The following UBR2 variants were observed in gnomAD, a reference collection of about 807,000 sequenced individuals.
The protein encoded by UBR2 is E3 ubiquitin-protein ligase UBR2.
In UBR2, 92 loss-of-function variants were observed where a neutral mutation model predicts 247.9. That is an observed-to-expected ratio of 0.37 (90% confidence interval 0.31 to 0.44). UBR2 has a LOEUF of 0.44. Ranked by LOEUF, UBR2 falls within the 20% of genes least tolerant of loss-of-function variation. The pLI, the probability that UBR2 is intolerant of heterozygous loss-of-function variation, is 1.00. For missense variants in UBR2, 1,613 were observed against 2,112.6 expected, an observed-to-expected ratio of 0.76 and a Z score of 4.64; for synonymous variants, 672 against 693.5, an observed-to-expected ratio of 0.97 and a Z score of 0.49.
intron 1 of UBR2, among the ~76,000 whole-genome samples, chr6:42,565,607 C>G (rs571573210): frequency 1.3e-5 from 2 of 152,290 alleles, no homozygotes; most frequent in Admixed American, 6.5e-5. Flanking sequence ...GATGCCCAGG[C>G]TGGAGTGCAG....
In UBR2 at chr6:42,644,311, G is replaced by C; in HGVS notation, c.2195G>C (p.Arg732Thr). 1 of 1,613,268 alleles carries C rather than the reference G, an allele frequency of 6.2e-7. No individual in the cohort carries two copies. Among genetic ancestry groups the C allele is most frequent in the Non-Finnish European group, 8.5e-7 (1 of 1,179,796 alleles). ...QIFSTPDYGKRFSSEITHKDV... is the reference protein window; with the variant it reads ...QIFSTPDYGKTFSSEITHKDV... The stretch of plus-strand genomic sequence containing the variant: ...TTCAGTACTCCAGACTATGGAAAAA[G>C]ATTTAGTTCTGAGATTACCCATAAG... The change falls in exon 19 of 47, where the codon AGA (arginine) becomes ACA (threonine). Residue 732 changes from arginine (R) to threonine (T), a missense_variant. Coordinates refer to ENST00000372901, the MANE Select transcript of UBR2 (RefSeq NM_001363705.2).
chr6:42,661,552 G>T (rs760352088), intron 30 of UBR2, among the ~76,000 whole-genome samples: 5 of 152,172 alleles, frequency 3.3e-5, no homozygotes. Context: ...AATTCCAAAA[G>T]AAGCCAGACA....
At chr6:42,660,482 G>A (rs765887589) in intron 30 of UBR2, among the ~76,000 whole-genome samples, 6 of 152,034 alleles carry the variant, frequency 3.9e-5, no homozygotes, top group South Asian at 2.1e-4. Flanking sequence ...GTGCTTCAGC[G>A]ATACCCAGTA....
chr6:42,564,524 C>A, intron 1 of UBR2, 127 bp downstream of exon 1: 1 of 1,111,014 alleles, frequency 9.0e-7, no homozygotes, highest in Non-Finnish European at 1.3e-6. Flanking sequence ...CGGCCCTCGC[C>A]TTGTGGGGTA....
At chr6:42,583,991 AATTTT>A (rs1250801541) in intron 2 of UBR2, among the ~76,000 whole-genome samples, 1 of 103,566 alleles carries the variant, frequency 9.7e-6, no homozygotes, top group East Asian at 2.4e-4. Context: ...CTCCCCATTG[AATTTT>A]TTTTTTTTTT....
At chr6:42,578,114 A>C (rs1010708499) in intron 2 of UBR2, among the ~76,000 whole-genome samples, 2 of 152,202 alleles carry the variant, frequency 1.3e-5, no homozygotes, top group African/African-American at 4.8e-5. Flanking sequence ...TTATGCTAAA[A>C]ATGATAAACA....
In UBR2 at chr6:42,662,312, TTATC is replaced by T. The variant is rs759612611; in HGVS notation, c.3536+38_3536+41del. 1.1e-5 allele frequency: 15 copies of T among 1,318,718 alleles called. No individual in the cohort carries two copies. In the South Asian group the frequency reaches 1.4e-4, roughly 13 times the overall value. The allele number at this position is 1,318,718 out of a possible 1,614,324, so 81.7% of individuals were successfully genotyped here. ...ATTCTTAATATTTGTCAAGAGAAGT[TTATC>T]TAAGGGCTCAATATTTTTTAAATAG... On this transcript the variant is annotated intron_variant, in intron 31 of 46. Transcript: ENST00000372901.
intron 44 of UBR2, 61 bp downstream of exon 44, chr6:42,684,932 T>A: frequency 7.6e-7 from 1 of 1,322,458 alleles, no homozygotes; most frequent in Non-Finnish European, 1.1e-6. Flanking sequence ...CTACAAAGAA[T>A]TTGAAGGATT....
chr6:42,614,206 C>CTA (rs1476805182), intron 8 of UBR2, among the ~76,000 whole-genome samples: 2 of 25,186 alleles, frequency 7.9e-5, no homozygotes, highest in Admixed American at 1.1e-3. Context: ...AAAAAAAAAA[C>CTA]TATATATATA....
At chr6:42,683,193 C>A in intron 43 of UBR2, 82 bp downstream of exon 43, 1 of 1,192,308 alleles carries the variant, frequency 8.4e-7, no homozygotes, top group South Asian at 1.4e-5. Context: ...CCTTCAGAAA[C>A]TGACTTCTCA....
chr6:42,662,936 A>G (rs1797899050), intron 31 of UBR2, among the ~76,000 whole-genome samples: 1 of 152,064 alleles, frequency 6.6e-6, no homozygotes, highest in Non-Finnish European at 1.5e-5. Context: ...CTCCATCTCA[A>G]AAACAACAAC....
chr6:42,638,388 A>G (rs1159697635), intron 15 of UBR2, among the ~76,000 whole-genome samples: 1 of 152,036 alleles, frequency 6.6e-6, no homozygotes, highest in Non-Finnish European at 1.5e-5. Context: ...TCTGAGACCT[A>G]TCACATTATC....
At chr6:42,635,298 A>C (rs1796019837) in intron 13 of UBR2, 120 bp from the exon 14 acceptor site, 1 of 1,033,524 alleles carries the variant, frequency 9.7e-7, no homozygotes, top group Non-Finnish European at 1.4e-6. Context: ...TTCCTGTTAA[A>C]ACTTATACCT....
intron 34 of UBR2, among the ~76,000 whole-genome samples, chr6:42,667,704 ATT>A (rs528646455): frequency 1.4e-5 from 1 of 70,376 alleles, no homozygotes. Context: ...TTTTCTATGT[ATT>A]TTTTTTTTTT....
intron 44 of UBR2, among the ~76,000 whole-genome samples, chr6:42,685,920 C>T (rs1473942715): frequency 2.6e-5 from 4 of 151,966 alleles, no homozygotes; most frequent in African/African-American, 9.7e-5. Context: ...TAAACATTAC[C>T]TAGACAGTTG....
rs1161068427 is a variant in UBR2 at position 42,667,587 on chromosome 6, C to CTTTTTTTTTTTTTTTT, written c.3881+1351_3881+1366dup. 6.7e-4 allele frequency among the ~76,000 whole-genome samples: 32 copies of CTTTTTTTTTTTTTTTT among 47,420 alleles called. 1 individual carries two copies. The highest frequency in any genetic ancestry group is 8.4e-4 in the East Asian group (1 of 1,192). 31.1% of individuals were successfully genotyped at this position (47,420 alleles called of 152,430 possible). On this transcript the variant is annotated intron_variant, in intron 34 of 46. Transcript: ENST00000372901. ...TATTTCCTTTCTTGTACAGTTTTGT[C>CTTTTTTTTTTTTTTTT]TTTTTTTTTTTTTTTTTTTTTTTTG...
At chr6:42,632,529 A>G (rs1216433067) in intron 11 of UBR2, 23 bp from the exon 12 acceptor site, 6 of 1,570,348 alleles carry the variant, frequency 3.8e-6, no homozygotes, top group Non-Finnish European at 5.2e-6. Context: ...ATTACCATGC[A>G]CTCTGATAAA....
chr6:42,675,102 A>T (rs1386703921), intron 38 of UBR2, among the ~76,000 whole-genome samples: 1 of 152,088 alleles, frequency 6.6e-6, no homozygotes, highest in African/African-American at 2.4e-5. Flanking sequence ...TTATATGACT[A>T]TGTCAGAACT....
chr6:42,667,200 G>A (rs1798154942), intron 34 of UBR2, among the ~76,000 whole-genome samples: 1 of 152,068 alleles, frequency 6.6e-6, no homozygotes, highest in South Asian at 2.1e-4. Context: ...GCCAGGCGTG[G>A]TGGTGCACGC....
Sources: gnomAD v4.1 joint callset for allele counts (sites outside exome capture counted in the v4.1 genomes callset) on GRCh38, gnomAD v4.1.1 for gene constraint, MANE v1.5 for transcripts, NCBI Gene and HGNC (gene_info 2026-07-23, HGNC 2026-07-21) for gene names.